ABHD2: variants seen among roughly 807,000 people sequenced by gnomAD.
ABHD2 encodes abhydrolase domain containing 2, acylglycerol lipase.
Under a neutral mutation model 48.1 loss-of-function variants are expected in ABHD2, and 20 were observed. That is an observed-to-expected ratio of 0.42 (90% CI 0.29 to 0.60). ABHD2 has a LOEUF of 0.60. Among genes scored for constraint, ABHD2 ranks in the 20% least tolerant of loss-of-function variants. The pLI, the probability that ABHD2 is intolerant of heterozygous loss-of-function variation, is 0.24. For missense variants in ABHD2, 405 were observed against 550.9 expected, an observed-to-expected ratio of 0.74 and a Z score of 2.65; for synonymous variants, 209 against 214.2, an observed-to-expected ratio of 0.98 and a Z score of 0.21.
In ABHD2 at chr15:89,164,143, G is replaced by C. The variant is rs1177390572; in HGVS notation, c.538+8609G>C. On this transcript the variant is annotated intron_variant, in intron 5 of 10. Transcript: ENST00000352732. The surrounding 1 kb of genome is among the most constrained non-coding windows in gnomAD (Gnocchi z 5.0). ...CCAGACAATGATGGGGCCAGCCTCT[G>C]CGATGGGAATACAGGTGTGGATTCG... Among the ~76,000 whole-genome samples, 1 of 152,194 alleles carries C rather than the reference G, an allele frequency of 6.6e-6. No individual in the cohort carries two copies. The highest frequency in any genetic ancestry group is 1.5e-5 in the Non-Finnish European group (1 of 68,038).
At chr15:89,160,300 C>T (rs1340939729) in intron 5 of ABHD2, among the ~76,000 whole-genome samples, 1 of 152,106 alleles carries the variant, frequency 6.6e-6, no homozygotes, top group Non-Finnish European at 1.5e-5. Context: ...TAATCATATC[C>T]TCATGTAAGT....
chr15:89,142,240 A>G (rs1596109368), intron 3 of ABHD2, among the ~76,000 whole-genome samples: 1 of 152,266 alleles, frequency 6.6e-6, no homozygotes, highest in Non-Finnish European at 1.5e-5. Flanking sequence ...TTGAAGGCAA[A>G]TGAGATCATT....
chr15:89,062,294 C>T, the ABHD2 span, among the ~76,000 whole-genome samples: 9 of 151,662 alleles, frequency 5.9e-5, no homozygotes, highest in South Asian at 1.9e-3. Context: ...TTCGGGCATT[C>T]GGGCAGAATG....
At position 89,191,094 on chromosome 15, in the gene ABHD2, A is replaced by G. The variant is rs773412377; in HGVS notation, c.941A>G (p.Tyr314Cys). The change falls in exon 9 of 11, where the codon TAT (tyrosine) becomes TGT (cysteine). Residue 314 changes from tyrosine (Y) to cysteine (C), a missense_variant. Physicochemically the swap from Tyr to Cys is radical, Grantham distance 194. Transcript: ENST00000352732. ...GTGTGTTGCAGGAAGTTTCACGGCT[A>G]TAACTCCCTGAAGGAATACTATGAG... ...DDNVMRKFHG[Y>C]NSLKEYYEEE... The G allele has an allele frequency of 6.2e-7, 1 of 1,613,910 alleles. No individual in the cohort carries two copies. Among genetic ancestry groups the G allele is most frequent in the Non-Finnish European group, 8.5e-7 (1 of 1,180,020 alleles).
the ABHD2 span, among the ~76,000 whole-genome samples, chr15:89,074,416 TG>T: frequency 6.6e-6 from 1 of 151,786 alleles, no homozygotes; most frequent in South Asian, 2.1e-4. Flanking sequence ...TAAACAATTC[TG>T]ATGCCAGTGT....
chr15:89,065,811 G>A, the ABHD2 span, among the ~76,000 whole-genome samples: 4 of 152,066 alleles, frequency 2.6e-5, no homozygotes, highest in Non-Finnish European at 1.5e-5. Context: ...GCTTGCTTCT[G>A]TCCTAATGCA....
At chr15:89,142,362 C>T (rs2050417535) in intron 3 of ABHD2, among the ~76,000 whole-genome samples, 1 of 152,302 alleles carries the variant, frequency 6.6e-6, no homozygotes. Flanking sequence ...GATGCTAGAA[C>T]CACTGAGATT....
At chr15:89,127,708 TATATATATATACAC>T (rs1425668273) in intron 3 of ABHD2, among the ~76,000 whole-genome samples, 3 of 88,452 alleles carry the variant, frequency 3.4e-5, no homozygotes, top group African/African-American at 1.9e-4. Context: ...TATATATACA[TATATATATATACAC>T]ATATATATAT....
the ABHD2 span, among the ~76,000 whole-genome samples, chr15:89,042,587 CTTATTTAT>C: frequency 0.03 from 4,251 of 141,908 alleles, 118 homozygotes; most frequent in African/African-American, 0.069. Flanking sequence ...TTCTTTCTTT[CTTATTTAT>C]TTATTTATTT....
Position 89,155,600 on chromosome 15 carries a change from G to C in ABHD2, c.538+66G>C. ...GTGCTACTACTTCTGCTTCTGCCTT[G>C]TTTTTTCTTTTTTTAAGTTTTAAAC... On this transcript the variant is annotated intron_variant, in intron 5 of 10. Transcript: ENST00000352732. This position sits in a 1 kb window ranked among gnomAD's most constrained non-coding sequence, Gnocchi z 4.9. The C allele has an allele frequency of 6.4e-7, 1 of 1,550,812 alleles. No individual in the cohort carries two copies. The highest frequency in any genetic ancestry group is 1.2e-5 in the South Asian group (1 of 83,366).
Position 89,168,877 on chromosome 15 carries a change from GAC to G in ABHD2, c.539-6934_539-6933del, listed in dbSNP as rs1488279326. ...AGACCTCTTGAGCTCAGAAGTTCGA[GAC>G]CAGCCTGGGCAACATAGTGGAACCT... On this transcript the variant is annotated intron_variant, in intron 5 of 10. Coordinates refer to ENST00000352732, the MANE Select transcript of ABHD2 (RefSeq NM_152924.5). This position sits in a 1 kb window ranked among gnomAD's most constrained non-coding sequence, Gnocchi z 4.8. Among the ~76,000 whole-genome samples, 1 of 152,094 alleles carries G rather than the reference GAC, an allele frequency of 6.6e-6. No individual in the cohort carries two copies. The highest frequency in any genetic ancestry group is 1.5e-5 in the Non-Finnish European group (1 of 68,022).
At position 89,195,092 on chromosome 15, in the gene ABHD2, A is replaced by G; in HGVS notation, c.1082-135A>G. ...GCCCCCTCTTTGGTGAACAAGGCAG[A>G]GTGAGTAGAGGTTGGATGCCCACTT... On this transcript the variant is annotated intron_variant, in intron 10 of 10. Coordinates refer to ENST00000352732, the MANE Select transcript of ABHD2 (RefSeq NM_152924.5). The surrounding 1 kb of genome is among the most constrained non-coding windows in gnomAD (Gnocchi z 5.1). 1.1e-6 allele frequency: 1 copy of G among 914,566 alleles called. No individual in the cohort carries two copies. Among genetic ancestry groups the G allele is most frequent in the South Asian group, 1.7e-5 (1 of 59,854 alleles). 56.7% of individuals were successfully genotyped at this position (914,566 alleles called of 1,614,324 possible).
chr15:89,163,675 G>T (rs141813420), intron 5 of ABHD2, among the ~76,000 whole-genome samples: 1 of 152,242 alleles, frequency 6.6e-6, no homozygotes, highest in Non-Finnish European at 1.5e-5. Flanking sequence ...AGGAGCAGGT[G>T]TGATGTTTGA....
rs371915665 is a variant in ABHD2 at position 89,106,693 on chromosome 15, G to C, written c.-106-7032G>C. On this transcript the variant is annotated intron_variant, in intron 1 of 10. Transcript: ENST00000352732. The surrounding 1 kb of genome is among the most constrained non-coding windows in gnomAD (Gnocchi z 4.2). ...ATTTAGTTAAATGGCAGATAAAGTG[G>C]GGAGAAGGTGGCCCATTTCCTCCTT... Among the ~76,000 whole-genome samples, 14 of 152,242 alleles carry C rather than the reference G, an allele frequency of 9.2e-5. No homozygotes were observed. In the South Asian group the frequency reaches 2.7e-3, roughly 29 times the overall value.
rs1046920032 is a variant in ABHD2 at position 89,179,192 on chromosome 15, A to AG, written c.722+3200dup. Among the ~76,000 whole-genome samples, 2 of 152,210 alleles carry AG rather than the reference A, an allele frequency of 1.3e-5. No homozygotes were observed. Among genetic ancestry groups the AG allele is most frequent in the Non-Finnish European group, 1.5e-5 (1 of 68,030 alleles). ...GTGAGGGTGAGGAGGACAGTAGCAC[A>AG]GGGCCCAGGCCAGGGGCAGAAGCCC... On this transcript the variant is annotated intron_variant, in intron 6 of 10. Transcript: ENST00000352732. The surrounding 1 kb of genome is among the most constrained non-coding windows in gnomAD (Gnocchi z 4.3).
chr15:89,135,797 A>G, intron 3 of ABHD2: 1 of 811,926 alleles, frequency 1.2e-6, no homozygotes. Context: ...TTTCTTTGCA[A>G]CATCATTAGT....
At chr15:89,051,155 C>T in the ABHD2 span, among the ~76,000 whole-genome samples, 1 of 152,158 alleles carries the variant, frequency 6.6e-6, no homozygotes, top group Non-Finnish European at 1.5e-5. Flanking sequence ...ATTGCTTCAA[C>T]CCAGGAGGCG....
chr15:89,136,279 C>G, intron 3 of ABHD2: 2 of 412,908 alleles, frequency 4.8e-6, no homozygotes, highest in Non-Finnish European at 9.5e-6. Context: ...TTTCGTTTCT[C>G]TTTCGTATGG....
chr15:89,145,817 C>G (rs1219732020), intron 3 of ABHD2, among the ~76,000 whole-genome samples: 1 of 152,176 alleles, frequency 6.6e-6, no homozygotes, highest in Non-Finnish European at 1.5e-5. Context: ...AAAAGCACAT[C>G]CCTGGAACAG....
Sources: allele counts gnomAD v4.1 joint callset (sites outside exome capture counted in the v4.1 genomes callset), GRCh38; gene constraint gnomAD v4.1.1; non-coding constraint Gnocchi (gnomAD v3.1); transcripts MANE v1.5; gene names NCBI Gene and HGNC (gene_info 2026-07-23, HGNC 2026-07-21).